The following REXO5 variants were observed in gnomAD, a reference collection of about 807,000 sequenced individuals.
REXO5 encodes the protein exonuclease NEF-sp.
Under a neutral mutation model 88.5 loss-of-function variants are expected in REXO5, and 48 were observed. The observed-to-expected ratio is 0.54, with a 90% CI of 0.43 to 0.69. The LOEUF is 0.69. Among genes scored for constraint, REXO5 ranks in the 30% least tolerant of loss-of-function variants. The probability of loss-of-function intolerance (pLI) is 0.00; values close to 1 mark genes in which losing one functional copy is unlikely to be tolerated. For missense variants in REXO5, 749 were observed against 912.2 expected (o/e 0.82, Z 2.30); for synonymous variants, 311 against 336.5 (o/e 0.92, Z 0.83).
intron 7 of REXO5, among the ~76,000 whole-genome samples, chr16:20,824,759 C>T (rs1272482009): frequency 6.6e-6 from 1 of 152,056 alleles, no homozygotes; most frequent in African/African-American, 2.4e-5. Context: ...CCTGTAATCC[C>T]AGCACTTTGG....
chr16:20,819,399 T>A (rs941353639), intron 5 of REXO5, among the ~76,000 whole-genome samples: 3 of 151,558 alleles, frequency 2.0e-5, no homozygotes, highest in Non-Finnish European at 4.4e-5. Flanking sequence ...TTTCCTTTCC[T>A]TTCTTTTCCT....
intron 15 of REXO5, among the ~76,000 whole-genome samples, chr16:20,841,850 C>G (rs2152511825): frequency 6.6e-6 from 1 of 152,244 alleles, no homozygotes; most frequent in East Asian, 1.9e-4. Context: ...AAGTGATCCA[C>G]CTCCCAAAGT....
rs1304732187 is a variant in REXO5, at chr16:20,813,282, A to G, written c.231A>G (p.Lys77=). 6.2e-7 allele frequency: 1 copy of G among 1,612,492 alleles called. No individual in the cohort carries two copies. The highest frequency in any genetic ancestry group is 1.1e-5 in the South Asian group (1 of 91,032). The part of the protein sequence containing the change: ...CELLKYAVLG[K]SNVPKPSWCQ... ...TGCTGAAGTATGCAGTTCTGGGCAA[A>G]TCCAATGTTCCAAAACCCAGGTATG... is the stretch of plus-strand genomic sequence containing the variant. The change falls in exon 3 of 20, where the codon AAA becomes AAG. Residue 77 remains lysine (K), a synonymous_variant. Coordinates refer to ENST00000261377, the MANE Select transcript of REXO5 (RefSeq NM_030941.3).
At position 20,833,677 on chromosome 16, in the gene REXO5, A is replaced by T. The variant is rs147393393; in HGVS notation, c.1383+554A>T. ...GCTTTATTATTTTATATGTACCCTC[A>T]TGCTTATGCTCTCTCATGTACACAC... On this transcript the variant is annotated intron_variant, in intron 13 of 19. Coordinates refer to ENST00000261377, the MANE Select transcript of REXO5 (RefSeq NM_030941.3). Among the ~76,000 whole-genome samples, 361 of 152,246 alleles carry T rather than the reference A, an allele frequency of 2.4e-3. 1 individual carries two copies. Among genetic ancestry groups the T allele is most frequent in the South Asian group, 7.7e-3 (37 of 4,828 alleles).
intron 2 of REXO5, among the ~76,000 whole-genome samples, chr16:20,807,763 C>CAA (rs199925689): frequency 4.1e-5 from 6 of 145,188 alleles, no homozygotes; most frequent in South Asian, 2.2e-4. Context: ...AAAAACAAAA[C>CAA]AAAAAAAAAA....
intron 8 of REXO5, among the ~76,000 whole-genome samples, chr16:20,826,398 A>T (rs1039752370): frequency 1.3e-5 from 2 of 152,278 alleles, no homozygotes; most frequent in Non-Finnish European, 1.5e-5. Context: ...TTTTCCAAAG[A>T]TTAGCATGTA....
chr16:20,843,735 T>G (rs996049172), intron 15 of REXO5, among the ~76,000 whole-genome samples, 199 bp from the exon 16 acceptor site: 29 of 152,240 alleles, frequency 1.9e-4, no homozygotes. Flanking sequence ...CAAAGTTATT[T>G]GTTGTCTGAA....
chr16:20,822,966 G>C (rs2152504020), intron 6 of REXO5, among the ~76,000 whole-genome samples: 1 of 152,290 alleles, frequency 6.6e-6, no homozygotes, highest in South Asian at 2.1e-4. Context: ...GGAACTGTCA[G>C]GCTGTGAAAG....
intron 19 of REXO5, among the ~76,000 whole-genome samples, chr16:20,848,072 T>A (rs1157907868): frequency 6.6e-6 from 1 of 152,208 alleles, no homozygotes; most frequent in African/African-American, 2.4e-5. Context: ...AAACCTGAAC[T>A]ACTCCTATCC....
chr16:20,816,289 C>T, intron 5 of REXO5, 77 bp downstream of exon 5: 1 of 1,214,594 alleles, frequency 8.2e-7, no homozygotes, highest in Non-Finnish European at 1.2e-6. Context: ...TTTAGCACAA[C>T]AAAACTCAAT....
chr16:20,846,377 C>T (rs907130488), intron 19 of REXO5, 38 bp downstream of exon 19: 4 of 1,465,000 alleles, frequency 2.7e-6, no homozygotes, highest in Non-Finnish European at 1.9e-6. Flanking sequence ...GGACTCTGTC[C>T]CCTGGATTTC....
At position 20,838,103 on chromosome 16, in the gene REXO5, G is replaced by T. The variant is rs188356930; in HGVS notation, c.1384-1652G>T. Among the ~76,000 whole-genome samples, 359 of 152,062 alleles carry T rather than the reference G, an allele frequency of 2.4e-3. 1 individual carries two copies. Among genetic ancestry groups the T allele is most frequent in the Non-Finnish European group, 4.1e-3 (276 of 67,988 alleles). On this transcript the variant is annotated intron_variant, in intron 13 of 19. Coordinates refer to ENST00000261377, the MANE Select transcript of REXO5 (RefSeq NM_030941.3). The stretch of plus-strand genomic sequence containing the variant: ...TTTAATAGTAGTTTAGATTAATATG[G>T]TCTACTATTTTCTAATTTTACTGAT...
chr16:20,821,744 C>G lies in REXO5; in HGVS notation c.476-18C>G. On this transcript the variant is annotated intron_variant, in intron 5 of 19. Coordinates refer to ENST00000261377, the MANE Select transcript of REXO5 (RefSeq NM_030941.3). The stretch of plus-strand genomic sequence containing the variant: ...TTAAACACACATTCTAATATACGTT[C>G]AATTGTTTTTCTTTCAGGGCCTTTA... The G allele has an allele frequency of 6.4e-7, 1 of 1,559,132 alleles. No individual in the cohort carries two copies.
intron 4 of REXO5, among the ~76,000 whole-genome samples, chr16:20,815,575 G>A (rs2081069592): frequency 6.6e-6 from 1 of 152,028 alleles, no homozygotes; most frequent in Non-Finnish European, 1.5e-5. Flanking sequence ...AGCACTTCCT[G>A]TGTATCAGGC....
At position 20,828,438 on chromosome 16, in the gene REXO5, G is replaced by C; in HGVS notation, c.1059G>C (p.Lys353Asn). The change falls in exon 11 of 20, where the codon AAG (lysine) becomes AAC (asparagine). Residue 353 changes from lysine to asparagine, a missense_variant. Lys to Asn is a moderately conservative substitution (Grantham distance 94, BLOSUM62 0). Transcript: ENST00000261377. ...LKFLAKVILG[K>N]DIQCPDRLGH... ...CAATTTTATATTGACTTTCCAGGAA[G>C]GATATACAGTGTCCAGACAGACTTG... 6.2e-7 allele frequency: 1 copy of C among 1,606,914 alleles called. No homozygotes were observed. The highest frequency in any genetic ancestry group is 1.7e-5 in the Admixed American group (1 of 60,000).
chr16:20,823,343 G>A (rs1307885658), intron 6 of REXO5: 1 of 152,098 alleles, frequency 6.6e-6, no homozygotes, highest in African/African-American at 2.4e-5. Flanking sequence ...CGTACTAAGT[G>A]CCTTTTTGTA....
chr16:20,849,571 A>G lies in REXO5; in HGVS notation c.*91A>G, dbSNP rs1038212323. 7.7e-6 allele frequency: 9 copies of G among 1,163,434 alleles called. No homozygotes were observed. In the East Asian group the frequency reaches 1.9e-4, roughly 24 times the overall value. The allele number at this position is 1,163,434 out of a possible 1,614,324, so 72.1% of individuals were successfully genotyped here. A position where few individuals can be genotyped will look rare whatever the true frequency, so the allele number is the denominator to read the frequency against. On this transcript the variant is annotated 3_prime_UTR_variant, in exon 20 of 20. Coordinates refer to ENST00000261377, the MANE Select transcript of REXO5 (RefSeq NM_030941.3). ...AGGCTGTAGCCTCCCCAACCAGCAG[A>G]CAGCTTTATGGAAACTTGGTATAGC...
At chr16:20,812,417 C>CA (rs1324787238) in intron 2 of REXO5, among the ~76,000 whole-genome samples, 2 of 152,078 alleles carry the variant, frequency 1.3e-5, no homozygotes, top group Non-Finnish European at 2.9e-5. Context: ...CCCAGCTACT[C>CA]AGGACACTGA....
At chr16:20,812,773 C>T (rs758645228) in intron 2 of REXO5, among the ~76,000 whole-genome samples, 2 of 152,122 alleles carry the variant, frequency 1.3e-5, no homozygotes, top group African/African-American at 2.4e-5. Context: ...AAGGCTCAGC[C>T]TCAGTATTTT....
Sources: gnomAD v4.1 joint callset for allele counts (sites outside exome capture counted in the v4.1 genomes callset) on GRCh38, gnomAD v4.1.1 for gene constraint, MANE v1.5 for transcripts, NCBI Gene and HGNC (gene_info 2026-07-23, HGNC 2026-07-21) for gene names.